CFAP44: variants seen among roughly 807,000 people sequenced by gnomAD.
CFAP44 encodes cilia- and flagella-associated protein 44.
A neutral mutation model predicts 216.2 loss-of-function variants in CFAP44; 134 were observed. The observed-to-expected ratio is 0.62, with a 90% CI of 0.54 to 0.72. CFAP44 has a LOEUF of 0.72. Among genes scored for constraint, CFAP44 ranks in the 30% least tolerant of loss-of-function variants. The pLI is 0.00. For synonymous variants in CFAP44, 700 were observed against 727.6 expected, an observed-to-expected ratio of 0.96 and a Z score of 0.61; for missense variants, 2,035 against 2,182.1, an observed-to-expected ratio of 0.93 and a Z score of 1.34.
At chr3:113,375,568 C>T (rs1031767832) in intron 17 of CFAP44, among the ~76,000 whole-genome samples, 4 of 152,178 alleles carry the variant, frequency 2.6e-5, no homozygotes, top group Non-Finnish European at 5.9e-5. Context: ...AGAAGCAACA[C>T]TGTGGTAGAT....
At chr3:113,324,949 A>G (rs1225737838) in intron 28 of CFAP44, among the ~76,000 whole-genome samples, 1 of 152,192 alleles carries the variant, frequency 6.6e-6, no homozygotes, top group African/African-American at 2.4e-5. Context: ...AACATGTAAA[A>G]ATCTATTAGT....
At chr3:113,326,047 AG>A (rs1950186441) in intron 28 of CFAP44, among the ~76,000 whole-genome samples, 1 of 152,238 alleles carries the variant, frequency 6.6e-6, no homozygotes, top group African/African-American at 2.4e-5. Context: ...ACACAAGACT[AG>A]TATACAGAAT....
chr3:113,431,394 G>A (rs1431852848), intron 2 of CFAP44, among the ~76,000 whole-genome samples: 4 of 152,076 alleles, frequency 2.6e-5, no homozygotes, highest in South Asian at 2.1e-4. Context: ...CTAGACAAAG[G>A]GTCATTATCA....
At chr3:113,439,332 C>A (rs960798539) in intron 1 of CFAP44, among the ~76,000 whole-genome samples, 22 of 152,078 alleles carry the variant, frequency 1.4e-4, no homozygotes, top group African/African-American at 4.6e-4. Context: ...ATAACTATCC[C>A]AAAAGACTGC....
intron 15 of CFAP44, among the ~76,000 whole-genome samples, chr3:113,387,093 C>T (rs1255557346): frequency 6.6e-6 from 1 of 152,218 alleles, no homozygotes; most frequent in African/African-American, 2.4e-5. Context: ...CCTAAATAAA[C>T]TTGAAAGGCA....
intron 28 of CFAP44, among the ~76,000 whole-genome samples, chr3:113,309,790 G>C (rs933513944): frequency 1.3e-5 from 2 of 152,176 alleles, no homozygotes; most frequent in African/African-American, 4.8e-5. Flanking sequence ...ACACTGTGGC[G>C]AGTTCCTTGG....
intron 12 of CFAP44, among the ~76,000 whole-genome samples, chr3:113,400,245 A>G (rs1934105635): frequency 1.3e-5 from 2 of 152,188 alleles, no homozygotes; most frequent in African/African-American, 4.8e-5. Context: ...TAGATTTGCC[A>G]TAAGTTAAGA....
chr3:113,333,612 A>C lies in CFAP44; in HGVS notation c.3438-29T>G, dbSNP rs1241429805. ...TTAGAAAAACAGACAACCCCCCCAC[A>C]CACAAATATGACAATAAACTCTAAT... On this transcript the variant is annotated intron_variant, in intron 24 of 34. Transcript: ENST00000393845. 2.0e-6 allele frequency: 3 copies of C among 1,477,312 alleles called. No individual in the cohort carries two copies. The East Asian group carries it at 7.5e-5, about 37-fold the overall frequency. 91.5% of individuals were successfully genotyped at this position (1,477,312 alleles called of 1,614,324 possible). A position where few individuals can be genotyped will look rare whatever the true frequency, so the allele number is the denominator to read the frequency against.
chr3:113,369,378 T>G (rs1367221930), intron 18 of CFAP44, among the ~76,000 whole-genome samples: 1 of 151,900 alleles, frequency 6.6e-6, no homozygotes, highest in Non-Finnish European at 1.5e-5. Context: ...ATCACAACAG[T>G]CTCTCAGACC....
chr3:113,296,574 C>T (rs532134878), intron 33 of CFAP44, 151 bp downstream of exon 33: 4 of 817,172 alleles, frequency 4.9e-6, no homozygotes, highest in East Asian at 2.7e-5. Context: ...GTAAAGAAGC[C>T]GAGACAAGGC....
intron 32 of CFAP44, among the ~76,000 whole-genome samples, chr3:113,299,282 C>T (rs553253812): frequency 6.6e-6 from 1 of 152,100 alleles, no homozygotes; most frequent in Non-Finnish European, 1.5e-5. Flanking sequence ...TAAAAGAAGA[C>T]ATACAAATGG....
chr3:113,426,926 A>G (rs1934974787), intron 3 of CFAP44: 1 of 391,596 alleles, frequency 2.6e-6, no homozygotes, highest in Non-Finnish European at 4.5e-6. Flanking sequence ...ACTCCCACTA[A>G]TCTGTAGTGG....
intron 1 of CFAP44, among the ~76,000 whole-genome samples, chr3:113,437,946 G>T (rs1935274877): frequency 6.6e-6 from 1 of 152,190 alleles, no homozygotes; most frequent in Non-Finnish European, 1.5e-5. Flanking sequence ...TATGTAAAAT[G>T]AGGGTGATAG....
chr3:113,288,419 T>C lies in CFAP44; in HGVS notation c.*3138A>G, dbSNP rs1302719886. The C allele has an allele frequency of 6.6e-6, 1 of 152,096 alleles. No individual in the cohort carries two copies. The highest frequency in any genetic ancestry group is 6.5e-5 in the Admixed American group (1 of 15,278). The allele number at this position is 152,096 out of a possible 1,614,324, so 9.4% of individuals were successfully genotyped here. A position where few individuals can be genotyped will look rare whatever the true frequency, so the allele number is the denominator to read the frequency against. ...AAGGACTGTAAGGAACAGGTAAATG[T>C]TAGGAAATGAGAAGCAGAGCAGGGA... On this transcript the variant is annotated 3_prime_UTR_variant, in exon 35 of 35. Transcript: ENST00000393845.
Position 113,289,633 on chromosome 3 carries a change from C to T in CFAP44, c.*1924G>A, listed in dbSNP as rs1277203061. ...CAGCTCCCACGAAGGCCCCGGTGAC[C>T]CCCACCTGGCATTCACACCCTGTTC... On this transcript the variant is annotated 3_prime_UTR_variant, in exon 35 of 35. Coordinates refer to ENST00000393845, the MANE Select transcript of CFAP44 (RefSeq NM_001164496.2). 6.6e-6 allele frequency: 1 copy of T among 152,310 alleles called. No individual in the cohort carries two copies. Among genetic ancestry groups the T allele is most frequent in the South Asian group, 2.1e-4 (1 of 4,806 alleles). 9.4% of individuals were successfully genotyped at this position (152,310 alleles called of 1,614,324 possible).
At chr3:113,336,428 A>T (rs543863625) in intron 24 of CFAP44, among the ~76,000 whole-genome samples, 1 of 152,244 alleles carries the variant, frequency 6.6e-6, no homozygotes, top group East Asian at 1.9e-4. Context: ...GGAGTAATAT[A>T]AACTACCTTA....
In CFAP44 at chr3:113,407,041, C is replaced by T. The variant is rs768082475; in HGVS notation, c.891G>A (p.Lys297=). The part of the protein sequence containing the change: ...QLTTSGSGHI[K]FWEMAFTFTG... ...TGAACGTAAAAGCCATTTCCCAGAA[C>T]CTACAAACAAGAAAGAGACTGAATG... Residue 297 remains lysine (K), a splice_region_variant and synonymous_variant, in exon 8 of 35, where the codon AAG becomes AAA. Transcript: ENST00000393845. 1.2e-6 allele frequency: 2 copies of T among 1,612,238 alleles called. No individual in the cohort carries two copies. The highest frequency in any genetic ancestry group is 8.5e-7 in the Non-Finnish European group (1 of 1,178,340).
At chr3:113,317,480 C>G (rs1189988599) in intron 28 of CFAP44, among the ~76,000 whole-genome samples, 2 of 152,250 alleles carry the variant, frequency 1.3e-5, no homozygotes, top group African/African-American at 2.4e-5. Flanking sequence ...CCTCACCGCC[C>G]TGCAGGAGCA....
Position 113,409,279 on chromosome 3 carries a change from G to T in CFAP44, c.717C>A (p.Ser239Arg). The part of the protein sequence containing the change: ...KGYAYVDFNY[S>R]GNLLASVGSN... ...TACCAACAGAGGCCAGCAAGTTACC[G>T]CTGTAGTTAAAGTCCACATAAGCAT... The change falls in exon 7 of 35, where the codon AGC becomes AGA. Residue 239 changes from serine (S) to arginine (R), a missense_variant. This residue lies in a region of CFAP44 where 1,883 missense variants were observed against 2,023.7 expected (regional missense o/e 0.93). Coordinates refer to ENST00000393845, the MANE Select transcript of CFAP44 (RefSeq NM_001164496.2). The T allele has an allele frequency of 1.2e-6, 2 of 1,614,092 alleles. No homozygotes were observed. Among genetic ancestry groups the T allele is most frequent in the Non-Finnish European group, 1.7e-6 (2 of 1,180,008 alleles).
Sources: allele counts gnomAD v4.1 joint callset (sites outside exome capture counted in the v4.1 genomes callset), GRCh38; gene constraint gnomAD v4.1.1; regional missense constraint gnomAD v4.1.1; transcripts MANE v1.5; gene names NCBI Gene and HGNC (gene_info 2026-07-23, HGNC 2026-07-21).